The following NAV3 variants were observed in gnomAD, a reference collection of about 807,000 sequenced individuals.
NAV3 encodes the protein pore membrane and/or filament interacting like protein 1.
Under a neutral mutation model 244.7 loss-of-function variants are expected in NAV3, and 87 were observed. That is an observed-to-expected ratio of 0.36 (90% confidence interval 0.30 to 0.42). The LOEUF (loss-of-function observed/expected upper bound fraction) is 0.42, where lower values mean the gene tolerates loss of function less well. Ranked by LOEUF, NAV3 falls within the 20% of genes least tolerant of loss-of-function variation. The pLI is 1.00. For missense variants in NAV3, 2,663 were observed against 2,893.3 expected, an observed-to-expected ratio of 0.92 and a Z score of 1.83; for synonymous variants, 1,126 against 1,042.2, an observed-to-expected ratio of 1.08 and a Z score of -1.55.
At chr12:77,577,537 G>A (rs2136663379) in intron 2 of NAV3, among the ~76,000 whole-genome samples, 1 of 152,200 alleles carries the variant, frequency 6.6e-6, no homozygotes. Context: ...ACTAGACTAT[G>A]TGCTTTCTCC....
At chr12:77,618,878 C>A (rs1871246544) in intron 2 of NAV3, among the ~76,000 whole-genome samples, 1 of 152,116 alleles carries the variant, frequency 6.6e-6, no homozygotes, top group African/African-American at 2.4e-5. Flanking sequence ...TTGTCAGTAG[C>A]CTACTTGAGA....
intron 12 of NAV3, among the ~76,000 whole-genome samples, chr12:78,099,636 C>T (rs1365544832): frequency 6.6e-6 from 1 of 151,974 alleles, no homozygotes; most frequent in Non-Finnish European, 1.5e-5. Context: ...AAATAGAAGA[C>T]TTTAAATCAA....
chr12:77,937,846 GATA>G (rs1187987437), intron 1 of NAV3, among the ~76,000 whole-genome samples: 1 of 152,196 alleles, frequency 6.6e-6, no homozygotes, highest in Admixed American at 6.5e-5. Flanking sequence ...GCCATGTGAT[GATA>G]ATAATAGCAA....
chr12:77,849,163 T>C (rs1216456599), intron 1 of NAV3, among the ~76,000 whole-genome samples: 1 of 152,178 alleles, frequency 6.6e-6, no homozygotes, highest in Non-Finnish European at 1.5e-5. Context: ...CTTTAAACTT[T>C]CTTTAATGAG....
At chr12:78,157,739 G>A (rs1027282061) in intron 22 of NAV3, among the ~76,000 whole-genome samples, 6 of 151,722 alleles carry the variant, frequency 4.0e-5, no homozygotes, top group Admixed American at 6.6e-5. Flanking sequence ...CAAATTTGGT[G>A]TATAAATCTC....
rs1872048421 is a variant in NAV3, at chr12:77,994,654, C to G, written c.672-149C>G. On this transcript the variant is annotated intron_variant, in intron 5 of 39. Transcript: ENST00000397909. The stretch of plus-strand genomic sequence containing the variant: ...AGGTCATGTTGGACATACAACATTA[C>G]CATAATTTTCTAATTAATTTGTTCT... The G allele has an allele frequency of 4.7e-5, 27 of 572,856 alleles. 1 individual carries two copies. The South Asian group carries it at 6.8e-4, about 14-fold the overall frequency. The allele number at this position is 572,856 out of a possible 1,614,324, so 35.5% of individuals were successfully genotyped here. A position where few individuals can be genotyped will look rare whatever the true frequency, so the allele number is the denominator to read the frequency against.
At position 78,190,188 on chromosome 12, in the gene NAV3, C is replaced by T. The variant is rs1338843347; in HGVS notation, c.6260C>T (p.Ala2087Val). The part of the protein sequence containing the change: ...SGRKKTEDAI[A>V]TFNVDHKSSK... ...AGGAAAAAAACAGAGGATGCAATTG[C>T]CACTTTTAATGTGGACCACAAGTCA... The change falls in exon 34 of 40, where the codon GCC (alanine) becomes GTC (valine). Residue 2087 changes from alanine (A) to valine (V), a missense_variant. This residue lies in a region of NAV3 where 543 missense variants were observed against 672.4 expected (regional missense o/e 0.81). Transcript: ENST00000397909. 6.2e-7 allele frequency: 1 copy of T among 1,612,186 alleles called. No individual in the cohort carries two copies. Among genetic ancestry groups the T allele is most frequent in the African/African-American group, 1.3e-5 (1 of 74,804 alleles).
intron 1 of NAV3, among the ~76,000 whole-genome samples, chr12:77,893,346 C>CT (rs1884175023): frequency 6.6e-6 from 1 of 152,034 alleles, no homozygotes; most frequent in Non-Finnish European, 1.5e-5. Flanking sequence ...CAGTAACTGA[C>CT]CAATATGCTA....
chr12:77,846,569 G>T (rs1876671856), intron 1 of NAV3, among the ~76,000 whole-genome samples: 1 of 152,048 alleles, frequency 6.6e-6, no homozygotes, highest in Admixed American at 6.5e-5. Flanking sequence ...CAATTTCCTT[G>T]ATTTTCTCCT....
At chr12:78,179,223 GA>G (rs1306194528) in intron 28 of NAV3, among the ~76,000 whole-genome samples, 1 of 152,030 alleles carries the variant, frequency 6.6e-6, no homozygotes, top group Non-Finnish European at 1.5e-5. Context: ...AGTAATCTAT[GA>G]CTTTTCTGCC....
At chr12:77,647,337 G>A (rs1872647015) in intron 2 of NAV3, among the ~76,000 whole-genome samples, 1 of 152,048 alleles carries the variant, frequency 6.6e-6, no homozygotes, top group African/African-American at 2.4e-5. Flanking sequence ...CGCCTTAGCT[G>A]GTACACCAAA....
At chr12:78,088,381 GA>G (rs1953746041) in intron 12 of NAV3, among the ~76,000 whole-genome samples, 1 of 152,060 alleles carries the variant, frequency 6.6e-6, no homozygotes, top group Non-Finnish European at 1.5e-5. Context: ...TAGAATGTGT[GA>G]ATAGATTATC....
At chr12:77,972,173 T>C (rs1228851396) in intron 5 of NAV3, among the ~76,000 whole-genome samples, 1 of 150,490 alleles carries the variant, frequency 6.6e-6, no homozygotes, top group Non-Finnish European at 1.5e-5. Context: ...ATGTGCTATA[T>C]GTGAGCTTGA....
intron 2 of NAV3, among the ~76,000 whole-genome samples, chr12:77,631,859 C>T (rs1487736337): frequency 6.6e-6 from 1 of 152,150 alleles, no homozygotes; most frequent in African/African-American, 2.4e-5. Flanking sequence ...TATACCAGGG[C>T]CTATTCCACT....
chr12:77,961,580 T>G (rs1892000205), intron 3 of NAV3, among the ~76,000 whole-genome samples: 1 of 139,828 alleles, frequency 7.2e-6, no homozygotes, highest in South Asian at 2.2e-4. Context: ...ATATTATATA[T>G]TATGTATCTG....
chr12:78,094,533 T>C (rs986211943), intron 12 of NAV3, among the ~76,000 whole-genome samples: 7 of 152,212 alleles, frequency 4.6e-5, no homozygotes, highest in African/African-American at 1.7e-4. Flanking sequence ...GCTAAGACTG[T>C]CATGTCAACC....
intron 3 of NAV3, among the ~76,000 whole-genome samples, chr12:77,952,812 A>G (rs1162210517): frequency 2.6e-5 from 4 of 152,090 alleles, no homozygotes; most frequent in Non-Finnish European, 4.4e-5. Context: ...AAACTGGGAG[A>G]GGGAGTGGTC....
At chr12:77,829,096 A>G (rs1873323534), upstream of NAV3, among the ~76,000 whole-genome samples, 1 of 104,092 alleles carries the variant, frequency 9.6e-6, no homozygotes, top group Non-Finnish European at 2.5e-5. Context: ...ACTAAAAACA[A>G]AAACAAAAAT....
rs750565302 is a variant in NAV3, at chr12:78,122,134, C to T, written c.3944C>T (p.Pro1315Leu). ...AGCAGCAGCCCTCTCTTCAATAAAC[C>T]CTCAGACTTAACTACAGATGTTATA... Reference protein sequence around the residue: ...SGSSSPLFNKPSDLTTDVISL... With the variant: ...SGSSSPLFNKLSDLTTDVISL... Residue 1315 changes from proline to leucine, a missense_variant, in exon 16 of 40, where the codon CCC becomes CTC. By Grantham distance (98) the Pro-to-Leu change is moderately conservative. This residue lies in a region of NAV3 where 354 missense variants were observed against 413.0 expected (regional missense o/e 0.86). Coordinates refer to ENST00000397909, the MANE Select transcript of NAV3 (RefSeq NM_001024383.2). 1.9e-6 allele frequency: 3 copies of T among 1,614,020 alleles called. No individual in the cohort carries two copies. Among genetic ancestry groups the T allele is most frequent in the African/African-American group, 1.3e-5 (1 of 74,922 alleles).
Sources: allele counts gnomAD v4.1 joint callset (sites outside exome capture counted in the v4.1 genomes callset), GRCh38; gene constraint gnomAD v4.1.1; regional missense constraint gnomAD v4.1.1; transcripts MANE v1.5; gene names NCBI Gene and HGNC (gene_info 2026-07-23, HGNC 2026-07-21).